The following SDK1 variants were observed in gnomAD, a reference collection of about 807,000 sequenced individuals.
SDK1 encodes the protein protein sidekick-1.
Under a neutral mutation model 245.5 loss-of-function variants are expected in SDK1, and 157 were observed. That is an observed-to-expected ratio of 0.64 (90% CI 0.56 to 0.73). The LOEUF (loss-of-function observed/expected upper bound fraction) is 0.73. Among genes scored for constraint, SDK1 ranks in the 30% least tolerant of loss-of-function variants. The pLI, the probability that SDK1 is intolerant of heterozygous loss-of-function variation, is 0.00. For missense variants in SDK1, 3,583 were observed against 3,002.3 expected (o/e 1.19, Z -4.52); for synonymous variants, 1,647 against 1,278.5 (o/e 1.29, Z -6.15).
At chr7:4,112,539 G>A (rs1189046472) in intron 23 of SDK1, among the ~76,000 whole-genome samples, 2 of 152,148 alleles carry the variant, frequency 1.3e-5, no homozygotes, top group Non-Finnish European at 2.9e-5. Flanking sequence ...CTTTGGTAGT[G>A]ACATCCTGAT....
chr7:3,438,899 C>T (rs542131329), intron 1 of SDK1, among the ~76,000 whole-genome samples: 68 of 143,158 alleles, frequency 4.7e-4, no homozygotes, highest in Middle Eastern at 7.5e-3. Context: ...GTTGCCCAGG[C>T]TGGAGTGCAG....
At chr7:4,068,326 G>A (rs142263464) in intron 20 of SDK1, among the ~76,000 whole-genome samples, 1 of 152,320 alleles carries the variant, frequency 6.6e-6, no homozygotes, top group Non-Finnish European at 1.5e-5. Flanking sequence ...TACAGATGAG[G>A]AAACTGAGGC....
At chr7:3,477,341 G>A (rs1191306863) in intron 1 of SDK1, among the ~76,000 whole-genome samples, 11 of 147,648 alleles carry the variant, frequency 7.5e-5, no homozygotes, top group African/African-American at 1.0e-4. Flanking sequence ...GATTACAGGC[G>A]TGCGCCACCA....
chr7:3,636,353 G>C (rs1177595513), intron 2 of SDK1, among the ~76,000 whole-genome samples: 1 of 152,088 alleles, frequency 6.6e-6, no homozygotes, highest in African/African-American at 2.4e-5. Flanking sequence ...CCTGCCCTTG[G>C]ATTCCTCCCC....
chr7:4,265,017 C>A (rs1788367157), intron 44 of SDK1, 107 bp from the exon 45 acceptor site: 1 of 1,487,790 alleles, frequency 6.7e-7, no homozygotes, highest in Admixed American at 2.1e-5. Context: ...CTGGAGACCG[C>A]GACACACGCC....
At chr7:4,171,068 G>T (rs1013771563) in intron 32 of SDK1, among the ~76,000 whole-genome samples, 3 of 152,158 alleles carry the variant, frequency 2.0e-5, no homozygotes, top group Admixed American at 1.3e-4. Flanking sequence ...CCCTGGTCAG[G>T]TTTGGATTTT....
At chr7:4,217,574 A>C (rs1784903918) in intron 38 of SDK1, among the ~76,000 whole-genome samples, 2 of 146,588 alleles carry the variant, frequency 1.4e-5, no homozygotes, top group Non-Finnish European at 3.0e-5. Flanking sequence ...CACCACCCGG[A>C]GCACCACGCC....
intron 35 of SDK1, among the ~76,000 whole-genome samples, chr7:4,187,889 T>C (rs1782983249): frequency 6.6e-6 from 1 of 152,174 alleles, no homozygotes; most frequent in Admixed American, 6.5e-5. Flanking sequence ...GATAAAGACA[T>C]AGCCAAGACT....
At chr7:3,799,698 C>G (rs1583426161) in intron 4 of SDK1, among the ~76,000 whole-genome samples, 1 of 94,726 alleles carries the variant, frequency 1.1e-5, no homozygotes, top group South Asian at 4.3e-4. Flanking sequence ...GAGTGAGACT[C>G]CATCTCAAAA....
At chr7:3,631,542 C>G (rs1216164406) in intron 2 of SDK1, among the ~76,000 whole-genome samples, 1 of 152,176 alleles carries the variant, frequency 6.6e-6, no homozygotes, top group Non-Finnish European at 1.5e-5. Flanking sequence ...CAGGTGCTAT[C>G]TTATTTAATT....
intron 1 of SDK1, among the ~76,000 whole-genome samples, chr7:3,586,217 G>C (rs1780683256): frequency 6.6e-6 from 1 of 152,042 alleles, no homozygotes; most frequent in African/African-American, 2.4e-5. Context: ...GAAAGGAAGA[G>C]AGGTAGGATT....
At chr7:4,112,180 G>T (rs911154892) in intron 23 of SDK1, among the ~76,000 whole-genome samples, 1 of 152,144 alleles carries the variant, frequency 6.6e-6, no homozygotes, top group Non-Finnish European at 1.5e-5. Context: ...GTGAACATTG[G>T]TTCAGTCTGG....
intron 44 of SDK1, 125 bp from the exon 45 acceptor site, chr7:4,264,999 G>C: frequency 7.0e-7 from 1 of 1,421,384 alleles, no homozygotes; most frequent in Non-Finnish European, 9.3e-7. Context: ...GTTGGGGTGG[G>C]GAGAGGGCTG....
intron 25 of SDK1, 30 bp downstream of exon 25, chr7:4,114,304 A>T: frequency 6.5e-7 from 1 of 1,532,528 alleles, no homozygotes; most frequent in Non-Finnish European, 8.8e-7. Flanking sequence ...CATCCTGGAG[A>T]CACCGCATTA....
chr7:4,113,150 C>T lies in SDK1; in HGVS notation c.3435-139C>T, dbSNP rs1783457319. On this transcript the variant is annotated intron_variant, in intron 23 of 44. Coordinates refer to ENST00000404826, the MANE Select transcript of SDK1 (RefSeq NM_152744.4). ...ATGAAACCAGGTGAAAAGAGGGTGT[C>T]CTTGAGCAATAGCCTTTATGATATG... 2 of 915,528 alleles carry T rather than the reference C, an allele frequency of 2.2e-6. 1 individual carries two copies. The highest frequency in any genetic ancestry group is 3.3e-6 in the Non-Finnish European group (2 of 603,014). The allele number at this position is 915,528 out of a possible 1,614,324, so 56.7% of individuals were successfully genotyped here. A position where few individuals can be genotyped will look rare whatever the true frequency, so the allele number is the denominator to read the frequency against.
chr7:3,826,711 C>T (rs1311885448), intron 5 of SDK1, among the ~76,000 whole-genome samples: 2 of 152,212 alleles, frequency 1.3e-5, no homozygotes, highest in African/African-American at 2.4e-5. Context: ...CAGACCCTTC[C>T]TTGGGATAGC....
At chr7:4,237,853 C>G in intron 42 of SDK1, 69 bp downstream of exon 42, 1 of 1,562,416 alleles carries the variant, frequency 6.4e-7, no homozygotes, top group Non-Finnish European at 8.8e-7. Context: ...TTCGTTCTCT[C>G]GTGGATCTGC....
At chr7:3,351,284 T>G (rs1780653047) in intron 1 of SDK1, among the ~76,000 whole-genome samples, 1 of 152,122 alleles carries the variant, frequency 6.6e-6, no homozygotes, top group Non-Finnish European at 1.5e-5. Flanking sequence ...TTGAGACATA[T>G]AAATAATAAA....
chr7:3,867,868 G>A (rs1780859983), intron 5 of SDK1, among the ~76,000 whole-genome samples: 1 of 152,034 alleles, frequency 6.6e-6, no homozygotes, highest in Non-Finnish European at 1.5e-5. Flanking sequence ...GACTATGCAT[G>A]GATCTCTGCT....
Sources: allele counts gnomAD v4.1 joint callset (sites outside exome capture counted in the v4.1 genomes callset), GRCh38; gene constraint gnomAD v4.1.1; transcripts MANE v1.5; gene names NCBI Gene and HGNC (gene_info 2026-07-23, HGNC 2026-07-21).